DENND2A: variants seen among roughly 807,000 people sequenced by gnomAD.
DENND2A encodes the protein DENN domain-containing protein 2A.
DENND2A carries 53 observed loss-of-function variants against 105.3 expected under a neutral mutation model. The observed-to-expected ratio is 0.50, with a 90% confidence interval of 0.40 to 0.63. The LOEUF (loss-of-function observed/expected upper bound fraction) is 0.63, where lower values mean the gene tolerates loss of function less well. Among genes scored for constraint, DENND2A ranks in the 30% least tolerant of loss-of-function variants. The pLI, the probability that DENND2A is intolerant of heterozygous loss-of-function variation, is 0.00. For missense variants in DENND2A, 1,138 were observed against 1,279.6 expected (o/e 0.89, Z 1.69); for synonymous variants, 522 against 508.4 (o/e 1.03, Z -0.36).
At chr7:140,541,796 G>A (rs1299950012) in intron 14 of DENND2A, among the ~76,000 whole-genome samples, 1 of 152,200 alleles carries the variant, frequency 6.6e-6, no homozygotes, top group Non-Finnish European at 1.5e-5. Context: ...ACATTTAAAA[G>A]TGCATAGCGA....
chr7:140,553,610 C>T (rs779525648), intron 12 of DENND2A, among the ~76,000 whole-genome samples: 109 of 152,306 alleles, frequency 7.2e-4, no homozygotes, highest in Non-Finnish European at 1.1e-3. Flanking sequence ...AAATCTTGGA[C>T]AATACCTGGC....
intron 18 of DENND2A, 75 bp from the exon 19 acceptor site, chr7:140,519,793 CAGAGA>C (rs1563112935): frequency 2.4e-5 from 33 of 1,351,302 alleles, no homozygotes; most frequent in Non-Finnish European, 3.4e-5. Flanking sequence ...TCCTCCCTAC[CAGAGA>C]AAAGAGAAAC....
At chr7:140,587,602 C>T (rs1798836181) in intron 4 of DENND2A, 51 bp downstream of exon 4, 4 of 1,609,334 alleles carry the variant, frequency 2.5e-6, no homozygotes, top group Non-Finnish European at 2.5e-6. Flanking sequence ...TTCTCCCTCC[C>T]CTTTCTCCCA....
intron 15 of DENND2A, among the ~76,000 whole-genome samples, chr7:140,526,181 C>G (rs557064321): frequency 6.6e-6 from 1 of 152,352 alleles, no homozygotes; most frequent in South Asian, 2.1e-4. Context: ...CTTCCCCCAG[C>G]TGCCCACTTA....
intron 18 of DENND2A, among the ~76,000 whole-genome samples, chr7:140,521,511 A>C (rs972092205): frequency 1.3e-5 from 2 of 152,040 alleles, no homozygotes; most frequent in African/African-American, 4.8e-5. Context: ...TCCTGACCTC[A>C]AGTGATCTGC....
intron 5 of DENND2A, among the ~76,000 whole-genome samples, chr7:140,581,037 T>C (rs1270887097): frequency 6.6e-6 from 1 of 151,386 alleles, no homozygotes; most frequent in Non-Finnish European, 1.5e-5. Flanking sequence ...CTGAGGTGGG[T>C]GGATCACTTG....
intron 13 of DENND2A, among the ~76,000 whole-genome samples, chr7:140,545,192 A>G (rs574941016): frequency 6.6e-6 from 1 of 152,120 alleles, no homozygotes; most frequent in African/African-American, 2.4e-5. Context: ...AGGAACTGTT[A>G]CCTGCTAGGT....
intron 1 of DENND2A, among the ~76,000 whole-genome samples, chr7:140,636,395 G>A (rs1026682653): frequency 1.3e-5 from 2 of 152,156 alleles, no homozygotes; most frequent in African/African-American, 2.4e-5. Flanking sequence ...TAAAGACCTC[G>A]GGGGAGAAGC....
chr7:140,566,820 A>G (rs1419779706), intron 9 of DENND2A, among the ~76,000 whole-genome samples: 1 of 151,154 alleles, frequency 6.6e-6, no homozygotes, highest in Admixed American at 6.6e-5. Context: ...AGTAGCTGGG[A>G]CTGCAGGTGT....
chr7:140,525,863 CT>C, intron 15 of DENND2A, 71 bp from the exon 16 acceptor site: 1 of 1,342,334 alleles, frequency 7.4e-7, no homozygotes, highest in Non-Finnish European at 1.0e-6. Flanking sequence ...TCATAGCCTT[CT>C]TCCTTCTTGG....
intron 1 of DENND2A, among the ~76,000 whole-genome samples, chr7:140,610,535 T>C: frequency 6.6e-6 from 1 of 152,240 alleles, no homozygotes; most frequent in East Asian, 1.9e-4. Context: ...ATTTTATATA[T>C]ATATATGTAT....
chr7:140,610,025 G>C (rs375582256), intron 1 of DENND2A: 3 of 152,114 alleles, frequency 2.0e-5, no homozygotes, highest in Non-Finnish European at 4.4e-5. Context: ...GAGTACAGTG[G>C]TGTGATGATG....
intron 14 of DENND2A, among the ~76,000 whole-genome samples, chr7:140,537,125 C>T (rs1796481576): frequency 6.6e-6 from 1 of 152,228 alleles, no homozygotes; most frequent in African/African-American, 2.4e-5. Flanking sequence ...GCAAACTCAT[C>T]TCCCTAGAGA....
chr7:140,584,183 A>C (rs1798677952), intron 5 of DENND2A, among the ~76,000 whole-genome samples: 2 of 151,626 alleles, frequency 1.3e-5, no homozygotes, highest in South Asian at 2.1e-4. Flanking sequence ...TGGAGCTTGC[A>C]TTGAGCCGAG....
chr7:140,591,892 T>TTC (rs367947897), intron 3 of DENND2A, among the ~76,000 whole-genome samples: 3,219 of 119,830 alleles, frequency 0.027, 205 homozygotes, highest in African/African-American at 0.11. Context: ...CTTTCTTTCT[T>TTC]TCTTTTTCTT....
intron 9 of DENND2A, among the ~76,000 whole-genome samples, chr7:140,566,119 C>T (rs756561533): frequency 1.2e-4 from 18 of 152,162 alleles, no homozygotes; most frequent in Non-Finnish European, 2.1e-4. Context: ...GCAAGCTCTG[C>T]CTCCTGAGTT....
At chr7:140,542,719 C>G (rs975906260) in intron 14 of DENND2A, among the ~76,000 whole-genome samples, 1 of 152,014 alleles carries the variant, frequency 6.6e-6, no homozygotes, top group East Asian at 1.9e-4. Flanking sequence ...TGGACCACCA[C>G]GCCCAACTAA....
chr7:140,518,608 C>T lies in DENND2A; in HGVS notation c.*99G>A. On this transcript the variant is annotated 3_prime_UTR_variant, in exon 20 of 20. Coordinates refer to ENST00000496613, the MANE Select transcript of DENND2A (RefSeq NM_015689.5). ...AGCCACCGCGGCCTCCAGTTCCGCACCGTGACAACCTGGGACCCAGCCTTT... is the reference window on the plus strand; with the variant it reads ...AGCCACCGCGGCCTCCAGTTCCGCATCGTGACAACCTGGGACCCAGCCTTT... The T allele has an allele frequency of 1.5e-6, 2 of 1,350,522 alleles. No homozygotes were observed. Among genetic ancestry groups the T allele is most frequent in the South Asian group, 2.5e-5 (2 of 79,464 alleles). 83.7% of individuals were successfully genotyped at this position (1,350,522 alleles called of 1,614,324 possible).
intron 12 of DENND2A, among the ~76,000 whole-genome samples, chr7:140,551,549 G>T (rs2968564): frequency 1.3e-5 from 2 of 152,054 alleles, no homozygotes; most frequent in Non-Finnish European, 2.9e-5. Context: ...GTAGCCTCTA[G>T]AGCAGCTAGA....
Sources: gnomAD v4.1 joint callset for allele counts (sites outside exome capture counted in the v4.1 genomes callset) on GRCh38, gnomAD v4.1.1 for gene constraint, MANE v1.5 for transcripts, NCBI Gene and HGNC (gene_info 2026-07-23, HGNC 2026-07-21) for gene names.